The following TRIM68 variants were observed in gnomAD, a reference collection of about 807,000 sequenced individuals.
TRIM68 encodes the protein tripartite motif containing 68.
TRIM68 carries 36 observed loss-of-function variants against 41.9 expected under a neutral mutation model. That is an observed-to-expected ratio of 0.86 (90% CI 0.66 to 1.14). TRIM68 has a LOEUF of 1.14. Ranked by LOEUF, TRIM68 falls within the 50% of genes most tolerant of loss-of-function variation. TRIM68 has a pLI of 0.00. For missense variants in TRIM68, 632 were observed against 605.1 expected (o/e 1.04, Z -0.47); for synonymous variants, 225 against 224.6 (o/e 1.00, Z -0.02).
intron 1 of TRIM68, among the ~76,000 whole-genome samples, chr11:4,606,149 C>G (rs1269539643): frequency 1.3e-5 from 2 of 152,228 alleles, no homozygotes; most frequent in African/African-American, 4.8e-5. Flanking sequence ...TGCTCCAGCA[C>G]TAATGTACTT....
chr11:4,600,782 C>G lies in TRIM68; in HGVS notation c.952G>C (p.Val318Leu), dbSNP rs148735266. 1.2e-6 allele frequency: 2 copies of G among 1,614,058 alleles called. No homozygotes were observed. The highest frequency in any genetic ancestry group is 4.5e-5 in the East Asian group (2 of 44,872). The change falls in exon 7 of 7, where the codon GTG (valine) becomes CTG (leucine). Residue 318 changes from valine to leucine, a missense_variant. Val to Leu is a conservative substitution (Grantham distance 32). Transcript: ENST00000300747. ...TGCACACGTTTTCTGTCCTCAGACACGATGAGACGGGAGTAAGCAGTATCT... is the reference window on the plus strand; with the variant it reads ...TGCACACGTTTTCTGTCCTCAGACAGGATGAGACGGGAGTAAGCAGTATCT... ...DPDTAYSRLIVSEDRKRVHYG... is the reference protein window; with the variant it reads ...DPDTAYSRLILSEDRKRVHYG...
rs1846487328 is a variant in TRIM68 at position 4,601,357 on chromosome 11, G to T, written c.807-230C>A. 1.7e-5 allele frequency: 10 copies of T among 595,152 alleles called. No homozygotes were observed. In the South Asian group the frequency reaches 2.0e-4, roughly 12 times the overall value. 36.9% of individuals were successfully genotyped at this position (595,152 alleles called of 1,614,324 possible). On this transcript the variant is annotated intron_variant, in intron 5 of 6. Coordinates refer to ENST00000300747, the MANE Select transcript of TRIM68 (RefSeq NM_018073.8). ...GGATGTATATTTGATTCTGGGAGAG[G>T]AAGAAGTGCACACATTTTCTGTCGG...
rs1846548831 is a variant in TRIM68, at chr11:4,605,124, C to A, written c.381G>T (p.Glu127Asp). The A allele has an allele frequency of 6.2e-7, 1 of 1,614,120 alleles. No homozygotes were observed. Among genetic ancestry groups the A allele is most frequent in the Admixed American group, 1.7e-5 (1 of 60,006 alleles). Residue 127 changes from glutamate (E) to aspartate (D), a missense_variant, in exon 2 of 7, where the codon GAG (glutamate) becomes GAT (aspartate). Transcript: ENST00000300747. ...CCTCCATTGGCACAACACTGTGGGCCTCATGCTCTGGGGACTGGCTGCAGG... is the reference window on the plus strand; with the variant it reads ...CCTCCATTGGCACAACACTGTGGGCATCATGCTCTGGGGACTGGCTGCAGG... Reference protein sequence around the residue: ...CEACSQSPEHEAHSVVPMEDV... With the variant: ...CEACSQSPEHDAHSVVPMEDV...
At chr11:4,602,069 T>C in intron 4 of TRIM68, 83 bp downstream of exon 4, 2 of 1,587,002 alleles carry the variant, frequency 1.3e-6, no homozygotes, top group Non-Finnish European at 1.7e-6. Context: ...CAGTCCCTAC[T>C]GAAGGGTAAC....
chr11:4,600,925 G>T (rs2133197509), intron 6 of TRIM68, 99 bp from the exon 7 acceptor site: 1 of 1,569,456 alleles, frequency 6.4e-7, no homozygotes, highest in South Asian at 1.1e-5. Flanking sequence ...CAATGATGAA[G>T]GGGTGAGGCT....
chr11:4,606,573 G>C (rs541793554), intron 1 of TRIM68, among the ~76,000 whole-genome samples: 555 of 152,344 alleles, frequency 3.6e-3, no homozygotes, highest in African/African-American at 0.013. Context: ...AATCCTTTTA[G>C]CATTTGTGAG....
intron 1 of TRIM68, among the ~76,000 whole-genome samples, chr11:4,606,831 G>C (rs1336269277): frequency 6.6e-6 from 1 of 152,152 alleles, no homozygotes; most frequent in African/African-American, 2.4e-5. Context: ...AAATCACTGT[G>C]GTTTAGCGCA....
chr11:4,604,902 G>A (rs545404102), intron 2 of TRIM68, among the ~76,000 whole-genome samples, 177 bp downstream of exon 2: 7 of 152,224 alleles, frequency 4.6e-5, no homozygotes, highest in African/African-American at 1.7e-4. Context: ...GGAAATCAAG[G>A]AAGGTCATGA....
intron 5 of TRIM68, 110 bp from the exon 6 acceptor site, chr11:4,601,237 A>G (rs1414170008): frequency 1.2e-6 from 1 of 830,628 alleles, no homozygotes; most frequent in Admixed American, 1.8e-5. Context: ...ACCCCAGCAA[A>G]GCAGAGACAT....
At chr11:4,603,764 C>T (rs993198657) in intron 2 of TRIM68, among the ~76,000 whole-genome samples, 4 of 152,146 alleles carry the variant, frequency 2.6e-5, no homozygotes, top group Non-Finnish European at 4.4e-5. Context: ...TACTTTAGAC[C>T]TACCAAATGA....
Position 4,604,931 on chromosome 11 carries a change from C to T in TRIM68, c.426+148G>A, listed in dbSNP as rs1304090203. 3.7e-6 allele frequency: 3 copies of T among 806,914 alleles called. No homozygotes were observed. The African/African-American group carries it at 5.2e-5, about 14-fold the overall frequency. 50.0% of individuals were successfully genotyped at this position (806,914 alleles called of 1,614,324 possible). On this transcript the variant is annotated intron_variant, in intron 2 of 6. Transcript: ENST00000300747. ...GTCATGAATACAAGGAAAGGTATAGCTCTCTGTATCAGATTCCAGGGATCT... is the reference window on the plus strand; with the variant it reads ...GTCATGAATACAAGGAAAGGTATAGTTCTCTGTATCAGATTCCAGGGATCT...
rs748670313 is a variant in TRIM68 at position 4,601,068 on chromosome 11, CAA to C, written c.864_865del (p.Asp288GlufsTer16). The C allele has an allele frequency of 6.8e-6, 11 of 1,614,212 alleles. No homozygotes were observed. The highest frequency in any genetic ancestry group is 9.3e-6 in the Non-Finnish European group (11 of 1,180,040). On this transcript the variant is annotated frameshift_variant, in exon 6 of 7. Coordinates refer to ENST00000300747, the MANE Select transcript of TRIM68 (RefSeq NM_018073.8). LOFTEE classifies it low-confidence loss of function (END_TRUNC). ...GATCTCTCTTAGCCCCAGCACACGG[CAA>C]TCTGTCTTCAACTCCAGGGAGATTG...
chr11:4,605,556 T>A lies in TRIM68; in HGVS notation c.-52A>T, dbSNP rs6578501. The A allele has an allele frequency of 0.025, 36,918 of 1,497,814 alleles. 6,280 individuals are homozygous for A. In the African/African-American group the frequency reaches 0.41, roughly 17 times the overall value. 92.8% of individuals were successfully genotyped at this position (1,497,814 alleles called of 1,614,324 possible). A position where few individuals can be genotyped will look rare whatever the true frequency, so the allele number is the denominator to read the frequency against. On this transcript the variant is annotated 5_prime_UTR_variant, in exon 2 of 7. Transcript: ENST00000300747. ...CATGAATGAAACCAGGGAGAAGTAG[T>A]AAAGGCTGAGAAGAAGAAAAGAAAG...
intron 4 of TRIM68, 143 bp from the exon 5 acceptor site, chr11:4,601,829 C>T (rs1846493942): frequency 9.8e-7 from 1 of 1,024,558 alleles, no homozygotes; most frequent in African/African-American, 1.6e-5. Flanking sequence ...AAGGAGAAGC[C>T]TATGGAAGGA....
intron 1 of TRIM68, among the ~76,000 whole-genome samples, chr11:4,607,665 G>T (rs1432569914): frequency 6.6e-6 from 1 of 152,234 alleles, no homozygotes; most frequent in Non-Finnish European, 1.5e-5. Flanking sequence ...CCTCTGCAAA[G>T]ATCTGGGGAT....
In TRIM68 at chr11:4,601,014, C is replaced by A. The variant is rs915836592; in HGVS notation, c.907+13G>T. ...TCCCACTGTCCACTACAGTCTCCCC[C>A]AGGATCCATTACCTGCATAAGTCTT... On this transcript the variant is annotated intron_variant, in intron 6 of 6. Coordinates refer to ENST00000300747, the MANE Select transcript of TRIM68 (RefSeq NM_018073.8). The A allele has an allele frequency of 9.3e-6, 15 of 1,612,818 alleles. No individual in the cohort carries two copies. Among genetic ancestry groups the A allele is most frequent in the Admixed American group, 1.7e-5 (1 of 60,000 alleles).
chr11:4,606,598 T>C (rs1430761721), intron 1 of TRIM68, among the ~76,000 whole-genome samples: 2 of 152,246 alleles, frequency 1.3e-5, no homozygotes, highest in Non-Finnish European at 2.9e-5. Context: ...ATTGAGAGCA[T>C]ACATTAATAA....
chr11:4,606,696 C>G (rs145420929), intron 1 of TRIM68, among the ~76,000 whole-genome samples: 1 of 152,218 alleles, frequency 6.6e-6, no homozygotes, highest in Non-Finnish European at 1.5e-5. Flanking sequence ...TATTTCACAA[C>G]CCTAGGCAGA....
Position 4,600,700 on chromosome 11 carries a change from T to C in TRIM68, c.1034A>G (p.Asn345Ser). 3 of 1,614,162 alleles carry C rather than the reference T, an allele frequency of 1.9e-6. No individual in the cohort carries two copies. The highest frequency in any genetic ancestry group is 2.5e-6 in the Non-Finnish European group (3 of 1,180,026). ...GATGCACTGGCTTCCCAGGACGATA[T>C]TATAGCGGTAAAATCTCTCAGGATT... Reference protein sequence around the residue: ...PDNPERFYRYNIVLGSQCISS... With the variant: ...PDNPERFYRYSIVLGSQCISS... Residue 345 changes from asparagine to serine, a missense_variant, in exon 7 of 7, where the codon AAT (asparagine) becomes AGT (serine). By Grantham distance (46) the Asn-to-Ser change is conservative (BLOSUM62 1). Coordinates refer to ENST00000300747, the MANE Select transcript of TRIM68 (RefSeq NM_018073.8).
Sources: allele counts gnomAD v4.1 joint callset (sites outside exome capture counted in the v4.1 genomes callset), GRCh38; gene constraint gnomAD v4.1.1; transcripts MANE v1.5; gene names NCBI Gene and HGNC (gene_info 2026-07-23, HGNC 2026-07-21).